Variants in KCNK9 observed in about 807,000 individuals in gnomAD.
KCNK9 encodes potassium channel subfamily K member 9.
KCNK9 carries 1 observed loss-of-function variant against 10.8 expected under a neutral mutation model. The observed-to-expected ratio is 0.09, with a 90% CI of 0.03 to 0.44. The LOEUF (loss-of-function observed/expected upper bound fraction) is 0.44. Among genes scored for constraint, KCNK9 ranks in the 20% least tolerant of loss-of-function variants. KCNK9 has a pLI of 0.97. For missense variants in KCNK9, 303 were observed against 515.0 expected (o/e 0.59, Z 3.98); for synonymous variants, 231 against 222.7 (o/e 1.04, Z -0.33).
At chr8:139,630,494 G>A (rs536499475) in intron 1 of KCNK9, among the ~76,000 whole-genome samples, 10 of 152,290 alleles carry the variant, frequency 6.6e-5, no homozygotes, top group African/African-American at 2.4e-4. Context: ...TCCGACGCTC[G>A]CTGGTCCCAC....
rs765977354 is a variant in KCNK9, at chr8:139,640,533, G to A, written c.284-21434C>T. Among the ~76,000 whole-genome samples the A allele has an allele frequency of 5.9e-5, 9 of 152,188 alleles. 1 individual carries two copies. Among genetic ancestry groups the A allele is most frequent in the Non-Finnish European group, 1.3e-4 (9 of 68,032 alleles). ...GGCTCCACAGCCCCCCTGCTCATTA[G>A]CATCAGAACACCTAGCATGGAGCAC... On this transcript the variant is annotated intron_variant, in intron 1 of 1. Transcript: ENST00000520439.
At chr8:139,602,791 C>G (rs1405583140) in intron 2 of KCNK9, among the ~76,000 whole-genome samples, 1 of 152,174 alleles carries the variant, frequency 6.6e-6, no homozygotes, top group Non-Finnish European at 1.5e-5. Flanking sequence ...AGAAGGAGCT[C>G]AATTGAAAAT....
At chr8:139,683,005 G>A (rs1411529700) in intron 1 of KCNK9, among the ~76,000 whole-genome samples, 1 of 152,176 alleles carries the variant, frequency 6.6e-6, no homozygotes, top group African/African-American at 2.4e-5. Context: ...GGGGTGGTAA[G>A]GCACTTCAAC....
Position 139,635,970 on chromosome 8 carries a change from G to A in KCNK9, c.284-16871C>T, listed in dbSNP as rs180950434. Among the ~76,000 whole-genome samples, 478 of 152,236 alleles carry A rather than the reference G, an allele frequency of 3.1e-3. 3 individuals are homozygous for A. The highest frequency in any genetic ancestry group is 4.1e-3 in the Non-Finnish European group (278 of 68,018). ...TTCCTCATAAGCTTCAAGTAGATGT[G>A]GCATGTCTTCACCTTAACAGGCTAA... On this transcript the variant is annotated intron_variant, in intron 1 of 1. Transcript: ENST00000520439.
chr8:139,602,452 T>C (rs1817394804), intron 2 of KCNK9, among the ~76,000 whole-genome samples: 1 of 152,228 alleles, frequency 6.6e-6, no homozygotes, highest in Non-Finnish European at 1.5e-5. Context: ...AACGCAGCAA[T>C]GCCTGTTACA....
chr8:139,683,493 G>T (rs1001934430), intron 1 of KCNK9, among the ~76,000 whole-genome samples: 9 of 152,228 alleles, frequency 5.9e-5, no homozygotes, highest in Admixed American at 5.9e-4. Context: ...TTCAGCAGCA[G>T]GTCTGAGAGT....
At chr8:139,650,714 A>T (rs1815836878) in intron 1 of KCNK9, among the ~76,000 whole-genome samples, 1 of 152,176 alleles carries the variant, frequency 6.6e-6, no homozygotes. Flanking sequence ...AACTTCGACA[A>T]CCACACACCC....
intron 1 of KCNK9, among the ~76,000 whole-genome samples, chr8:139,656,845 C>T (rs1816034861): frequency 6.6e-6 from 1 of 152,176 alleles, no homozygotes; most frequent in Non-Finnish European, 1.5e-5. Flanking sequence ...TAGGCCACAC[C>T]ATCCACAACC....
intron 1 of KCNK9, among the ~76,000 whole-genome samples, chr8:139,625,669 G>A (rs1227073055): frequency 6.6e-6 from 1 of 151,390 alleles, no homozygotes; most frequent in Non-Finnish European, 1.5e-5. Flanking sequence ...TGTCCTGGGA[G>A]AGGCTTTGCA....
intron 1 of KCNK9, among the ~76,000 whole-genome samples, chr8:139,663,189 ACGCCC>A (rs759619506): frequency 8.5e-5 from 13 of 152,104 alleles, no homozygotes; most frequent in Non-Finnish European, 1.3e-4. Context: ...ACATGTGCAC[ACGCCC>A]CACATACACA....
At chr8:139,694,485 G>A (rs1817005576) in intron 1 of KCNK9, among the ~76,000 whole-genome samples, 1 of 152,208 alleles carries the variant, frequency 6.6e-6, no homozygotes, top group African/African-American at 2.4e-5. Context: ...CGCCCTGCAG[G>A]GCACTGGCAT....
At chr8:139,614,359 G>A (rs1402036613), downstream of KCNK9, among the ~76,000 whole-genome samples, 1 of 152,196 alleles carries the variant, frequency 6.6e-6, no homozygotes, top group African/African-American at 2.4e-5. Flanking sequence ...TGTGGACAGT[G>A]GTCTAAGTCC....
chr8:139,692,301 C>G (rs1293568690), intron 1 of KCNK9, among the ~76,000 whole-genome samples: 1 of 152,214 alleles, frequency 6.6e-6, no homozygotes, highest in Non-Finnish European at 1.5e-5. Flanking sequence ...ATAATCCACT[C>G]TGATGAAATG....
chr8:139,655,985 T>C (rs1232536372), intron 1 of KCNK9, among the ~76,000 whole-genome samples: 1 of 152,054 alleles, frequency 6.6e-6, no homozygotes, highest in Non-Finnish European at 1.5e-5. Context: ...TCAGGTAAAG[T>C]TTAAATCAGA....
intron 1 of KCNK9, 45 bp from the exon 2 acceptor site, chr8:139,619,144 G>A (rs1586633719): frequency 1.2e-6 from 2 of 1,609,420 alleles, no homozygotes; most frequent in Middle Eastern, 1.7e-4. Flanking sequence ...AGTGAGGAGG[G>A]GTCTAGAGGT....
At chr8:139,671,015 C>T (rs921466642) in intron 1 of KCNK9, among the ~76,000 whole-genome samples, 1 of 152,228 alleles carries the variant, frequency 6.6e-6, no homozygotes, top group Non-Finnish European at 1.5e-5. Context: ...GAGAACCTCG[C>T]TCTGTTCTAC....
Position 139,619,038 on chromosome 8 carries a change from C to A in KCNK9, c.345G>T (p.Val115=). 6.2e-7 allele frequency: 1 copy of A among 1,614,216 alleles called. No individual in the cohort carries two copies. Among genetic ancestry groups the A allele is most frequent in the South Asian group, 1.1e-5 (1 of 91,080 alleles). Residue 115 remains valine, a synonymous_variant, in exon 2 of 2, where the codon GTG becomes GTT. Transcript: ENST00000520439. ...TGACCAGTGTCAGCGGGATGCCCAGCACGGCGTAGAACATGCAGAAGGCCT... is the reference window on the plus strand; with the variant it reads ...TGACCAGTGTCAGCGGGATGCCCAGAACGGCGTAGAACATGCAGAAGGCCT... ...AGKAFCMFYA[V]LGIPLTLVMF... is the part of the protein sequence containing the mutation.
chr8:139,657,663 G>A (rs764092492), intron 1 of KCNK9, among the ~76,000 whole-genome samples: 16 of 152,210 alleles, frequency 1.1e-4, no homozygotes, highest in African/African-American at 1.7e-4. Context: ...AGCATAGGGC[G>A]TTGACTGGGA....
At chr8:139,664,662 T>A (rs183257064) in intron 1 of KCNK9, among the ~76,000 whole-genome samples, 1 of 152,264 alleles carries the variant, frequency 6.6e-6, no homozygotes, top group Admixed American at 6.5e-5. Context: ...TACAGTCATA[T>A]CCTGACCACC....
Sources: gnomAD v4.1 joint callset for allele counts (sites outside exome capture counted in the v4.1 genomes callset) on GRCh38, gnomAD v4.1.1 for gene constraint, MANE v1.5 for transcripts, NCBI Gene and HGNC (gene_info 2026-07-23, HGNC 2026-07-21) for gene names.